The following KCNK9 variants were observed in gnomAD, a reference collection of about 807,000 sequenced individuals.
KCNK9 encodes the protein potassium two pore domain channel subfamily K member 9, also known as potassium channel subfamily K member 9.
A neutral mutation model predicts 10.8 loss-of-function variants in KCNK9; 1 was observed. The ratio of observed to expected loss-of-function variants is 0.09; its 90% CI spans 0.03 to 0.44. KCNK9 has a LOEUF of 0.44. Ranked by LOEUF, KCNK9 falls within the 20% of genes least tolerant of loss-of-function variation. The pLI, the probability that KCNK9 is intolerant of heterozygous loss-of-function variation, is 0.97. For synonymous variants in KCNK9, 231 were observed against 222.7 expected, an observed-to-expected ratio of 1.04 and a Z score of -0.33; for missense variants, 303 against 515.0, an observed-to-expected ratio of 0.59 and a Z score of 3.98.
At chr8:139,677,468 TTAAACCCCAAGCAGCAGC>T (rs1032301124) in intron 1 of KCNK9, among the ~76,000 whole-genome samples, 1 of 152,118 alleles carries the variant, frequency 6.6e-6, no homozygotes, top group Non-Finnish European at 1.5e-5. Context: ...GCTGGTTTGT[TTAAACCCCAAGCAGCAGC>T]TCAGGGCCAA....
chr8:139,680,631 T>C (rs1420940426), intron 1 of KCNK9, among the ~76,000 whole-genome samples: 1 of 152,132 alleles, frequency 6.6e-6, no homozygotes, highest in Non-Finnish European at 1.5e-5. Context: ...GCTCATGGCG[T>C]TGGGCACTTC....
At chr8:139,667,396 T>G (rs1002170474) in intron 1 of KCNK9, among the ~76,000 whole-genome samples, 1 of 152,080 alleles carries the variant, frequency 6.6e-6, no homozygotes, top group Non-Finnish European at 1.5e-5. Flanking sequence ...CAAATGAATG[T>G]GCATAAAAAC....
intron 1 of KCNK9, among the ~76,000 whole-genome samples, chr8:139,620,932 A>T (rs1814758138): frequency 6.6e-6 from 1 of 152,204 alleles, no homozygotes; most frequent in South Asian, 2.1e-4. Flanking sequence ...GGGCAATATC[A>T]AAAGGTGTCC....
downstream of KCNK9, among the ~76,000 whole-genome samples, chr8:139,615,193 G>T (rs1395667629): frequency 1.3e-5 from 2 of 152,192 alleles, no homozygotes; most frequent in Non-Finnish European, 1.5e-5. Context: ...CAGGAACATG[G>T]TAGAGAAATC....
downstream of KCNK9, among the ~76,000 whole-genome samples, chr8:139,614,471 C>T (rs1202069002): frequency 2.0e-5 from 3 of 152,208 alleles, no homozygotes; most frequent in Admixed American, 1.3e-4. Context: ...CCCTCCCAAT[C>T]AGCCATGCAC....
intron 1 of KCNK9, among the ~76,000 whole-genome samples, chr8:139,623,651 G>A (rs1047958223): frequency 6.6e-5 from 10 of 151,864 alleles, no homozygotes; most frequent in Admixed American, 2.0e-4. Context: ...ATACCCTACC[G>A]CCCCCTCCCC....
At chr8:139,679,304 C>T (rs1816632160) in intron 1 of KCNK9, among the ~76,000 whole-genome samples, 1 of 152,176 alleles carries the variant, frequency 6.6e-6, no homozygotes, top group East Asian at 1.9e-4. Flanking sequence ...CTCCTCTTGC[C>T]GAGAAGGCAG....
intron 1 of KCNK9, among the ~76,000 whole-genome samples, chr8:139,681,390 G>C (rs549168859): frequency 6.6e-6 from 1 of 152,356 alleles, no homozygotes; most frequent in East Asian, 1.9e-4. Context: ...GTCAAGGTGT[G>C]AGACAGGAGG....
chr8:139,624,616 G>A (rs1347663307), intron 1 of KCNK9, among the ~76,000 whole-genome samples: 2 of 152,162 alleles, frequency 1.3e-5, no homozygotes. Flanking sequence ...AGGAGATCCA[G>A]GAAAACCCCC....
chr8:139,676,983 A>T (rs1484687212), intron 1 of KCNK9, among the ~76,000 whole-genome samples: 5 of 152,136 alleles, frequency 3.3e-5, no homozygotes, highest in African/African-American at 9.7e-5. Context: ...AGACAGACAA[A>T]ACAAAACAAA....
chr8:139,608,146 T>C (rs1814290796), downstream of KCNK9, among the ~76,000 whole-genome samples: 1 of 152,190 alleles, frequency 6.6e-6, no homozygotes, highest in African/African-American at 2.4e-5. Flanking sequence ...TGACTCACCC[T>C]TCTGTCTTCC....
chr8:139,649,149 C>T (rs1026728689), intron 1 of KCNK9, among the ~76,000 whole-genome samples: 4 of 152,172 alleles, frequency 2.6e-5, no homozygotes, highest in South Asian at 2.1e-4. Context: ...CAACTACAGA[C>T]GGGCCAGAAT....
At chr8:139,673,889 T>G (rs555811601) in intron 1 of KCNK9, among the ~76,000 whole-genome samples, 2 of 152,044 alleles carry the variant, frequency 1.3e-5, no homozygotes, top group East Asian at 3.9e-4. Flanking sequence ...AAGGCCAGAT[T>G]CGGGGACCTC....
chr8:139,641,860 A>G (rs2545460), intron 1 of KCNK9, among the ~76,000 whole-genome samples: 78,061 of 151,844 alleles, frequency 0.51, 20,721 homozygotes, highest in African/African-American at 0.64. Flanking sequence ...TGTCCAGCAG[A>G]AGACAGAGTG....
chr8:139,622,625 G>A (rs925698158), intron 1 of KCNK9, among the ~76,000 whole-genome samples: 1 of 152,140 alleles, frequency 6.6e-6, no homozygotes, highest in Non-Finnish European at 1.5e-5. Context: ...CCCCAAACCT[G>A]CCTACGTGTT....
At chr8:139,650,313 C>T (rs1316028780) in intron 1 of KCNK9, among the ~76,000 whole-genome samples, 1 of 152,198 alleles carries the variant, frequency 6.6e-6, no homozygotes, top group Non-Finnish European at 1.5e-5. Context: ...GAGTTACTGG[C>T]AACATTCCCA....
chr8:139,666,459 G>T (rs1816303357), intron 1 of KCNK9, among the ~76,000 whole-genome samples: 1 of 152,346 alleles, frequency 6.6e-6, no homozygotes, highest in African/African-American at 2.4e-5. Context: ...ACTCTCTAAA[G>T]TGCTCAGAAC....
At chr8:139,658,754 GTCACACTGCCTCCAAGTGC>G (rs1479296172) in intron 1 of KCNK9, among the ~76,000 whole-genome samples, 4 of 152,266 alleles carry the variant, frequency 2.6e-5, no homozygotes, top group African/African-American at 4.8e-5. Context: ...CTTCCCCACG[GTCACACTGCCTCCAAGTGC>G]AGGGCCAGTG....
chr8:139,616,969 TAGGG>T (rs1250557063), downstream of KCNK9: 15 of 151,990 alleles, frequency 9.9e-5, no homozygotes, highest in African/African-American at 3.4e-4. Flanking sequence ...CTATTGAGAG[TAGGG>T]AGGAATTTCT....
Sources: gnomAD v4.1 joint callset for allele counts (sites outside exome capture counted in the v4.1 genomes callset) on GRCh38, gnomAD v4.1.1 for gene constraint, MANE v1.5 for transcripts, NCBI Gene and HGNC (gene_info 2026-07-23, HGNC 2026-07-21) for gene names.